Variants in MCUB observed in about 807,000 individuals in gnomAD.
The protein encoded by MCUB is calcium uniporter regulatory subunit MCUb, mitochondrial.
MCUB carries 46 observed loss-of-function variants against 41.4 expected under a neutral mutation model. The observed-to-expected ratio is 1.11, with a 90% CI of 0.88 to 1.42. The LOEUF (loss-of-function observed/expected upper bound fraction) is 1.42. Ranked by LOEUF, MCUB falls within the 40% of genes most tolerant of loss-of-function variation. The probability of loss-of-function intolerance (pLI) is 0.00; values close to 1 mark genes in which losing one functional copy is unlikely to be tolerated. For synonymous variants in MCUB, 148 were observed against 148.2 expected (o/e 1.00, Z 0.01); for missense variants, 403 against 404.9 (o/e 1.00, Z 0.04).
At chr4:109,616,111 C>T (rs1014438448) in intron 1 of MCUB, among the ~76,000 whole-genome samples, 11 of 152,348 alleles carry the variant, frequency 7.2e-5, no homozygotes, top group Middle Eastern at 3.4e-3. Flanking sequence ...CATAGTGCCT[C>T]GCAGTTAGTT....
At chr4:109,684,793 G>T (rs1729799567) in intron 6 of MCUB, 147 bp downstream of exon 6, 1 of 570,974 alleles carries the variant, frequency 1.8e-6, no homozygotes, top group Non-Finnish European at 3.1e-6. Flanking sequence ...TTTTTCACAA[G>T]ACTGAATGAA....
chr4:109,603,959 G>A (rs1472572364), intron 1 of MCUB, among the ~76,000 whole-genome samples: 1 of 152,136 alleles, frequency 6.6e-6, no homozygotes, highest in Non-Finnish European at 1.5e-5. Context: ...GGAAATGTGG[G>A]GAAAAGAAAG....
intron 1 of MCUB, among the ~76,000 whole-genome samples, chr4:109,599,820 C>A (rs1372346815): frequency 1.3e-5 from 2 of 152,134 alleles, no homozygotes; most frequent in African/African-American, 4.8e-5. Context: ...AGGCGCCTAC[C>A]ACCATAGCCA....
At chr4:109,578,996 T>C (rs1241554131) in intron 1 of MCUB, among the ~76,000 whole-genome samples, 1 of 152,228 alleles carries the variant, frequency 6.6e-6, no homozygotes, top group Admixed American at 6.5e-5. Context: ...TCCTGTTCAT[T>C]GGAGTCCCGC....
chr4:109,629,349 G>GT (rs1728425715), intron 1 of MCUB, among the ~76,000 whole-genome samples: 1 of 152,048 alleles, frequency 6.6e-6, no homozygotes, highest in Non-Finnish European at 1.5e-5. Context: ...AAAAACCAGT[G>GT]TTTTTTCTAT....
intron 1 of MCUB, among the ~76,000 whole-genome samples, chr4:109,613,260 A>T (rs1353421385): frequency 2.0e-5 from 3 of 152,240 alleles, no homozygotes; most frequent in Non-Finnish European, 4.4e-5. Flanking sequence ...TTGCTATCTA[A>T]TGTGCCCAAA....
intron 4 of MCUB, among the ~76,000 whole-genome samples, chr4:109,669,888 T>A (rs1729417835): frequency 6.6e-6 from 1 of 152,232 alleles, no homozygotes; most frequent in Admixed American, 6.5e-5. Context: ...AGAATTTCCA[T>A]CTGTCTTCTT....
intron 1 of MCUB, among the ~76,000 whole-genome samples, chr4:109,578,379 T>G (rs1727081862): frequency 6.6e-6 from 1 of 152,222 alleles, no homozygotes; most frequent in African/African-American, 2.4e-5. Context: ...GGCCTTGTCA[T>G]ACATCTTATA....
chr4:109,617,660 A>G (rs995162223), intron 1 of MCUB, among the ~76,000 whole-genome samples: 2 of 152,238 alleles, frequency 1.3e-5, no homozygotes, highest in African/African-American at 2.4e-5. Context: ...TAATGAATGC[A>G]TAATCATCAT....
chr4:109,568,153 A>G (rs1726826247), intron 1 of MCUB, among the ~76,000 whole-genome samples: 1 of 152,204 alleles, frequency 6.6e-6, no homozygotes, highest in African/African-American at 2.4e-5. Context: ...ATATTTGTTA[A>G]GACATTTTGT....
At chr4:109,590,403 G>T (rs755510732) in intron 1 of MCUB, among the ~76,000 whole-genome samples, 1 of 152,064 alleles carries the variant, frequency 6.6e-6, no homozygotes, top group Non-Finnish European at 1.5e-5. Context: ...TGCCATTTCC[G>T]TGTGTTATCT....
intron 1 of MCUB, among the ~76,000 whole-genome samples, chr4:109,649,951 A>G (rs923153806): frequency 6.6e-5 from 10 of 152,100 alleles, no homozygotes; most frequent in Non-Finnish European, 1.3e-4. Context: ...TGATTTGGGG[A>G]ATCTGAACCC....
chr4:109,686,348 A>C (rs568724070), intron 7 of MCUB, among the ~76,000 whole-genome samples: 54 of 152,284 alleles, frequency 3.5e-4, no homozygotes, highest in African/African-American at 1.2e-3. Context: ...TATGTTGTCC[A>C]GGCTGGTCTC....
rs1000827606 is a variant in MCUB, at chr4:109,685,264, C to T, written c.830C>T (p.Ser277Leu). ...TTTTTTTTTAAGGATTATACTTACT[C>T]AGCTGTTAAGAGTAGGCAATTTCTT... ...FIVTRQDYTY[S>L]AVKSRQFLQF... Residue 277 changes from serine to leucine, a missense_variant, in exon 7 of 8, where the codon TCA (serine) becomes TTA (leucine). Physicochemically the swap from Ser to Leu is moderately radical, Grantham distance 145. Coordinates refer to ENST00000394650, the MANE Select transcript of MCUB (RefSeq NM_017918.5). 6 of 1,412,034 alleles carry T rather than the reference C, an allele frequency of 4.2e-6. No individual in the cohort carries two copies. In the African/African-American group the frequency reaches 5.7e-5, roughly 13 times the overall value. The allele number at this position is 1,412,034 out of a possible 1,614,324, so 87.5% of individuals were successfully genotyped here.
At chr4:109,674,443 A>G (rs1372162985) in intron 4 of MCUB, among the ~76,000 whole-genome samples, 1 of 152,220 alleles carries the variant, frequency 6.6e-6, no homozygotes, top group Non-Finnish European at 1.5e-5. Flanking sequence ...CCAATCCTGA[A>G]GGTACTCCCA....
intron 4 of MCUB, among the ~76,000 whole-genome samples, chr4:109,665,099 T>C (rs1392216094): frequency 6.6e-6 from 1 of 152,222 alleles, no homozygotes; most frequent in African/African-American, 2.4e-5. Flanking sequence ...GTGAACACAC[T>C]GACACATCAT....
rs1288640972 is a variant in MCUB, at chr4:109,688,541, A to ATTC, written c.*950_*951insTCT. The ATTC allele has an allele frequency of 6.6e-6, 1 of 152,252 alleles. No individual in the cohort carries two copies. The allele number at this position is 152,252 out of a possible 1,614,324, so 9.4% of individuals were successfully genotyped here. On this transcript the variant is annotated 3_prime_UTR_variant, in exon 8 of 8. Transcript: ENST00000394650. ...ATGTGGTAATTCATATGTAGATGAA[A>ATTC]TATTAAACATTTAAATGACCGAGTA...
rs369756708 is a variant in MCUB, at chr4:109,605,493, G to A, written c.99+45057G>A. Reference sequence around the variant, plus strand: ...TGATCCATGTGCTGAAGAGAAGATTGTGTATTCTATAGCCGTTGGATGAAA... The same window carrying A: ...TGATCCATGTGCTGAAGAGAAGATTATGTATTCTATAGCCGTTGGATGAAA... On this transcript the variant is annotated intron_variant, in intron 1 of 7. Coordinates refer to ENST00000394650, the MANE Select transcript of MCUB (RefSeq NM_017918.5). Among the ~76,000 whole-genome samples the A allele has an allele frequency of 1.1e-4, 17 of 152,332 alleles. No individual in the cohort carries two copies. The East Asian group carries it at 2.9e-3, about 26-fold the overall frequency.
At chr4:109,560,798 A>G (rs1726607305) in intron 1 of MCUB, among the ~76,000 whole-genome samples, 1 of 151,938 alleles carries the variant, frequency 6.6e-6, no homozygotes, top group Admixed American at 6.6e-5. Flanking sequence ...AAGTTTCCAA[A>G]GCCGCTGCGC....
Sources: allele counts gnomAD v4.1 joint callset (sites outside exome capture counted in the v4.1 genomes callset), GRCh38; gene constraint gnomAD v4.1.1; transcripts MANE v1.5; gene names NCBI Gene and HGNC (gene_info 2026-07-23, HGNC 2026-07-21).